The following FSTL5 variants were observed in gnomAD, a reference collection of about 807,000 sequenced individuals.
The protein encoded by FSTL5 is follistatin like 5.
In FSTL5, 62 loss-of-function variants were observed where a neutral mutation model predicts 89.1. The ratio of observed to expected loss-of-function variants is 0.70; its 90% CI spans 0.57 to 0.86. FSTL5 has a LOEUF of 0.86. Ranked by LOEUF, FSTL5 falls within the 40% of genes least tolerant of loss-of-function variation. The pLI, the probability that FSTL5 is intolerant of heterozygous loss-of-function variation, is 0.00. For synonymous variants in FSTL5, 383 were observed against 346.2 expected (o/e 1.11, Z -1.18); for missense variants, 1,057 against 1,001.6 (o/e 1.06, Z -0.75).
At chr4:162,127,080 A>C (rs1732112071) in intron 1 of FSTL5, among the ~76,000 whole-genome samples, 1 of 152,010 alleles carries the variant, frequency 6.6e-6, no homozygotes, top group African/African-American at 2.4e-5. Context: ...ACCTCAAATC[A>C]ATACTGTCCT....
intron 5 of FSTL5, among the ~76,000 whole-genome samples, chr4:161,762,367 C>T (rs1040047073): frequency 2.6e-5 from 4 of 152,102 alleles, no homozygotes; most frequent in African/African-American, 9.7e-5. Flanking sequence ...AGTAACCACT[C>T]GTTGGCACAA....
At chr4:161,847,948 A>C (rs868172599) in intron 4 of FSTL5, among the ~76,000 whole-genome samples, 2 of 141,500 alleles carry the variant, frequency 1.4e-5, no homozygotes, top group South Asian at 4.6e-4. Flanking sequence ...AGGAAGGATA[A>C]TCTCTTGAAC....
intron 8 of FSTL5, among the ~76,000 whole-genome samples, chr4:161,577,473 C>CA (rs544029134): frequency 0.76 from 83,625 of 110,182 alleles, 32,105 homozygotes; most frequent in Non-Finnish European, 0.82. Flanking sequence ...AGAAAAAAGA[C>CA]AAAAAAAAAA....
rs116351985 is a variant in FSTL5 at position 161,449,509 on chromosome 4, G to A, written c.1841+5495C>T. 3.9e-3 allele frequency among the ~76,000 whole-genome samples: 590 copies of A among 152,190 alleles called. 4 individuals carry two copies. Among genetic ancestry groups the A allele is most frequent in the African/African-American group, 0.013 (540 of 41,528 alleles). On this transcript the variant is annotated intron_variant, in intron 15 of 15. Coordinates refer to ENST00000306100, the MANE Select transcript of FSTL5 (RefSeq NM_020116.5). ...CTCAAATAGCATCACCCAAGTTTAT[G>A]CCTTCTCTTATTACTCACAGGCCTA...
intron 4 of FSTL5, among the ~76,000 whole-genome samples, chr4:161,907,088 T>C (rs1733559102): frequency 6.6e-6 from 1 of 152,110 alleles, no homozygotes; most frequent in Non-Finnish European, 1.5e-5. Flanking sequence ...ACATGTGCTA[T>C]GTTACTCAGG....
intron 3 of FSTL5, among the ~76,000 whole-genome samples, chr4:161,995,634 C>A (rs1736268749): frequency 6.6e-6 from 1 of 152,064 alleles, no homozygotes; most frequent in Admixed American, 6.6e-5. Context: ...AGGATAGACA[C>A]TGTATCACAT....
chr4:161,461,184 C>T (rs989313409), intron 13 of FSTL5, among the ~76,000 whole-genome samples: 7 of 150,872 alleles, frequency 4.6e-5, no homozygotes, highest in African/African-American at 7.3e-5. Context: ...AGGCCGGGTG[C>T]GGTGGCTCAC....
intron 7 of FSTL5, among the ~76,000 whole-genome samples, chr4:161,644,417 T>G (rs1736072451): frequency 6.6e-6 from 1 of 151,926 alleles, no homozygotes; most frequent in Non-Finnish European, 1.5e-5. Flanking sequence ...TCCTAGCTAC[T>G]CTGGAGGCTG....
chr4:161,855,941 A>G (rs1037912977), intron 4 of FSTL5, among the ~76,000 whole-genome samples: 9 of 152,148 alleles, frequency 5.9e-5, no homozygotes, highest in African/African-American at 1.9e-4. Flanking sequence ...TGAAAAAGCA[A>G]TAAGGAAAAG....
At chr4:161,537,852 A>G (rs554100243) in intron 10 of FSTL5, among the ~76,000 whole-genome samples, 29 of 152,262 alleles carry the variant, frequency 1.9e-4, no homozygotes, top group African/African-American at 6.7e-4. Flanking sequence ...AATTCCCCAC[A>G]TTTAATTGAG....
chr4:161,437,411 C>T (rs1164291551), intron 15 of FSTL5, among the ~76,000 whole-genome samples: 2 of 151,420 alleles, frequency 1.3e-5, no homozygotes, highest in East Asian at 2.0e-4. Flanking sequence ...CTGAAAAATA[C>T]AAAAAATTCG....
intron 6 of FSTL5, among the ~76,000 whole-genome samples, chr4:161,678,369 A>G (rs1012381696): frequency 1.3e-5 from 2 of 151,852 alleles, no homozygotes; most frequent in African/African-American, 4.8e-5. Context: ...ATTTTTGCTT[A>G]GAGAAATGAG....
chr4:162,050,513 T>G, intron 2 of FSTL5, among the ~76,000 whole-genome samples: 1 of 150,024 alleles, frequency 6.7e-6, no homozygotes, highest in Middle Eastern at 3.2e-3. Flanking sequence ...TAATAATAAT[T>G]TAATTAATAA....
intron 4 of FSTL5, among the ~76,000 whole-genome samples, chr4:161,810,859 A>T (rs1199931474): frequency 2.0e-5 from 3 of 152,202 alleles, no homozygotes; most frequent in African/African-American, 7.2e-5. Flanking sequence ...ATTACACCTA[A>T]TCACCCAATA....
intron 4 of FSTL5, among the ~76,000 whole-genome samples, chr4:161,779,445 G>A (rs1741541240): frequency 1.3e-5 from 2 of 151,862 alleles, no homozygotes; most frequent in African/African-American, 2.4e-5. Flanking sequence ...GGCTTCCCAT[G>A]TGTCAGAAAC....
chr4:161,562,102 T>G (rs1014013006), intron 8 of FSTL5, among the ~76,000 whole-genome samples: 2 of 152,014 alleles, frequency 1.3e-5, no homozygotes. Flanking sequence ...CTCCAGTTCA[T>G]GCTCATGGTT....
chr4:161,877,184 G>GAAAA (rs5863494), intron 4 of FSTL5, among the ~76,000 whole-genome samples: 3 of 127,372 alleles, frequency 2.4e-5, no homozygotes, highest in Non-Finnish European at 4.9e-5. Flanking sequence ...ACTCTGTCTC[G>GAAAA]AAAAAAAAAA....
chr4:161,569,171 A>C (rs1437008325), intron 8 of FSTL5, among the ~76,000 whole-genome samples: 1 of 152,176 alleles, frequency 6.6e-6, no homozygotes, highest in Non-Finnish European at 1.5e-5. Context: ...AGTGGAGATG[A>C]GATCTCACTA....
At chr4:162,102,407 T>C (rs1027907371) in intron 2 of FSTL5, among the ~76,000 whole-genome samples, 1 of 151,022 alleles carries the variant, frequency 6.6e-6, no homozygotes, top group Non-Finnish European at 1.5e-5. Context: ...GCAAATAAAG[T>C]CAAACGTGTA....
Sources: gnomAD v4.1 joint callset for allele counts (sites outside exome capture counted in the v4.1 genomes callset) on GRCh38, gnomAD v4.1.1 for gene constraint, MANE v1.5 for transcripts, NCBI Gene and HGNC (gene_info 2026-07-23, HGNC 2026-07-21) for gene names.